The following EFHC1 variants were observed in gnomAD, a reference collection of about 807,000 sequenced individuals.
EFHC1 encodes the protein EF-hand domain-containing protein 1.
EFHC1 carries 53 observed loss-of-function variants against 69.9 expected under a neutral mutation model. The observed-to-expected ratio is 0.76, with a 90% confidence interval of 0.61 to 0.95. EFHC1 has a LOEUF of 0.95. Ranked by LOEUF, EFHC1 falls within the 40% of genes least tolerant of loss-of-function variation. The pLI is 0.00. For missense variants in EFHC1, 739 were observed against 798.7 expected (o/e 0.93, Z 0.90); for synonymous variants, 256 against 278.4 (o/e 0.92, Z 0.80).
chr6:52,423,868 A>G, intron 1 of EFHC1, 78 bp from the exon 2 acceptor site: 2 of 1,592,370 alleles, frequency 1.3e-6, no homozygotes, highest in Admixed American at 1.7e-5. Flanking sequence ...TTCAAGTTAT[A>G]TTTTTAAAAG....
intron 6 of EFHC1, 57 bp from the exon 7 acceptor site, chr6:52,469,276 A>T: frequency 6.2e-7 from 1 of 1,606,506 alleles, no homozygotes; most frequent in Non-Finnish European, 8.5e-7. Context: ...GTTACCTTTA[A>T]TGTAATCTTA....
At position 52,479,076 on chromosome 6, in the gene EFHC1, T is replaced by C. The variant is rs1765608849; in HGVS notation, c.1318T>C (p.Phe440Leu). The C allele has an allele frequency of 5.6e-6, 9 of 1,614,154 alleles. No individual in the cohort carries two copies. Among genetic ancestry groups the C allele is most frequent in the Non-Finnish European group, 6.8e-6 (8 of 1,180,010 alleles). Residue 440 changes from phenylalanine (F) to leucine (L), a missense_variant, in exon 8 of 11, where the codon TTC becomes CTC. By Grantham distance (22) the Phe-to-Leu change is conservative. Transcript: ENST00000371068. Reference sequence around the variant, plus strand: ...AGAAGACAAAGACCGCAGATTTGTCTTCTCTTACTTTCTAGCTACCGACAT... The same window carrying C: ...AGAAGACAAAGACCGCAGATTTGTCCTCTCTTACTTTCTAGCTACCGACAT... ...IPEDKDRRFV[F>L]SYFLATDMIS...
At chr6:52,470,621 A>G (rs889982836) in intron 7 of EFHC1, among the ~76,000 whole-genome samples, 1 of 152,256 alleles carries the variant, frequency 6.6e-6, no homozygotes, top group Non-Finnish European at 1.5e-5. Context: ...TGCTGCTTAG[A>G]CAGGGGTAGG....
At chr6:52,453,599 C>G in intron 4 of EFHC1, 1 of 1,258,068 alleles carries the variant, frequency 7.9e-7, no homozygotes, top group Non-Finnish European at 1.0e-6. Context: ...TGTGTTTATT[C>G]CCACGATTTG....
intron 7 of EFHC1, among the ~76,000 whole-genome samples, chr6:52,478,242 A>G (rs1449727723): frequency 6.7e-6 from 1 of 150,090 alleles, no homozygotes; most frequent in Admixed American, 6.6e-5. Flanking sequence ...ACATGGACAC[A>G]GGAAGGGGAA....
intron 10 of EFHC1, 112 bp downstream of exon 10, chr6:52,490,462 C>T (rs1765875939): frequency 1.1e-6 from 1 of 870,800 alleles, no homozygotes; most frequent in Admixed American, 1.9e-5. Flanking sequence ...TTAGGATGTT[C>T]AGATCAGATC....
rs749586033 is a variant in EFHC1 at position 52,495,167 on chromosome 6, C to T, written c.*2826C>T. 6.6e-6 allele frequency: 3 copies of T among 453,976 alleles called. No homozygotes were observed. The highest frequency in any genetic ancestry group is 6.9e-5 in the East Asian group (1 of 14,404). The allele number at this position is 453,976 out of a possible 1,614,324, so 28.1% of individuals were successfully genotyped here. Reference sequence around the variant, plus strand: ...ACACACCTTCCAGGGTGTGCACTCTCGCCATGTTCTCACCCAGATGGCTCT... The same window carrying T: ...ACACACCTTCCAGGGTGTGCACTCTTGCCATGTTCTCACCCAGATGGCTCT... On this transcript the variant is annotated 3_prime_UTR_variant, in exon 11 of 11. Coordinates refer to ENST00000371068, the MANE Select transcript of EFHC1 (RefSeq NM_018100.4).
In EFHC1 at chr6:52,492,706, C is replaced by G. The variant is rs1453026093; in HGVS notation, c.*365C>G. On this transcript the variant is annotated 3_prime_UTR_variant, in exon 11 of 11. Transcript: ENST00000371068. ...CCTAGTTCTATGAAGCCTCAGACTC[C>G]TGGGCTCAAGTGATCCTCCCACTTC... The G allele has an allele frequency of 2.3e-6, 1 of 439,624 alleles. No homozygotes were observed. The highest frequency in any genetic ancestry group is 1.7e-5 in the South Asian group (1 of 60,144). 27.2% of individuals were successfully genotyped at this position (439,624 alleles called of 1,614,324 possible). A position where few individuals can be genotyped will look rare whatever the true frequency, so the allele number is the denominator to read the frequency against.
intron 3 of EFHC1, among the ~76,000 whole-genome samples, chr6:52,444,975 T>G (rs1194235924): frequency 3.3e-5 from 5 of 152,188 alleles, no homozygotes; most frequent in African/African-American, 1.2e-4. Context: ...GAACCTGTTA[T>G]TGGTCTATTC....
intron 10 of EFHC1, 119 bp downstream of exon 10, chr6:52,490,469 G>A (rs1765876202): frequency 1.2e-6 from 1 of 837,740 alleles, no homozygotes; most frequent in East Asian, 2.6e-5. Flanking sequence ...GTTCAGATCA[G>A]ATCTACTATT....
At chr6:52,434,669 G>A (rs777557941) in intron 2 of EFHC1, among the ~76,000 whole-genome samples, 32 of 152,074 alleles carry the variant, frequency 2.1e-4, no homozygotes, top group Non-Finnish European at 3.2e-4. Context: ...TGCTCTGCCC[G>A]TCTGAGTGGG....
chr6:52,475,768 T>C (rs1169350028), intron 7 of EFHC1, among the ~76,000 whole-genome samples: 1 of 152,240 alleles, frequency 6.6e-6, no homozygotes, highest in Non-Finnish European at 1.5e-5. Context: ...GGGCTAGATA[T>C]GGTTCTAGAT....
Position 52,493,730 on chromosome 6 carries a change from T to C in EFHC1, c.*1389T>C. On this transcript the variant is annotated 3_prime_UTR_variant, in exon 11 of 11. Transcript: ENST00000371068. ...GAGAGGAAGGAAAGACTAGTTGCAGTTACTATTCTCTGGTGAGCTCTGACT... is the reference window on the plus strand; with the variant it reads ...GAGAGGAAGGAAAGACTAGTTGCAGCTACTATTCTCTGGTGAGCTCTGACT... 1 of 453,904 alleles carries C rather than the reference T, an allele frequency of 2.2e-6. No individual in the cohort carries two copies. Among genetic ancestry groups the C allele is most frequent in the South Asian group, 1.6e-5 (1 of 64,468 alleles). 28.1% of individuals were successfully genotyped at this position (453,904 alleles called of 1,614,324 possible). A position where few individuals can be genotyped will look rare whatever the true frequency, so the allele number is the denominator to read the frequency against.
intron 1 of EFHC1, chr6:52,423,569 A>G (rs1452481597): frequency 6.5e-6 from 3 of 464,104 alleles, no homozygotes; most frequent in East Asian, 7.1e-5. Flanking sequence ...TGGTTCAATC[A>G]TAGCTTATTG....
chr6:52,464,920 A>T lies in EFHC1; in HGVS notation c.942A>T (p.Glu314Asp). The stretch of plus-strand genomic sequence containing the variant: ...AGAACTTCCCTCAGTGTGTGCTAGA[A>T]ATCTCTGACCAAGAAGTGTTGGAAT... ...NAKNFPQCVL[E>D]ISDQEVLEWY... Residue 314 changes from glutamate (E) to aspartate (D), a missense_variant, in exon 6 of 11, where the codon GAA (glutamate) becomes GAT (aspartate). Coordinates refer to ENST00000371068, the MANE Select transcript of EFHC1 (RefSeq NM_018100.4). 5 of 1,614,152 alleles carry T rather than the reference A, an allele frequency of 3.1e-6. No homozygotes were observed. Among genetic ancestry groups the T allele is most frequent in the Non-Finnish European group, 4.2e-6 (5 of 1,180,002 alleles).
At position 52,438,568 on chromosome 6, in the gene EFHC1, G is replaced by T. The variant is rs558446131; in HGVS notation, c.550G>T (p.Val184Phe). Residue 184 changes from valine to phenylalanine, a missense_variant, in exon 3 of 11, where the codon GTT becomes TTT. By Grantham distance (50) the Val-to-Phe change is conservative. Coordinates refer to ENST00000371068, the MANE Select transcript of EFHC1 (RefSeq NM_018100.4). The stretch of plus-strand genomic sequence containing the variant: ...AATTTATGGCAAAACTTTCCGCGTT[G>T]TTGACTGTGACCAATTCACACAGGT... Reference protein sequence around the residue: ...ITIYGKTFRVVDCDQFTQVFL... With the variant: ...ITIYGKTFRVFDCDQFTQVFL... 158 of 1,614,014 alleles carry T rather than the reference G, an allele frequency of 9.8e-5. 2 individuals are homozygous for T. In the South Asian group the frequency reaches 1.7e-3, roughly 17 times the overall value.
intron 9 of EFHC1, chr6:52,485,205 A>G (rs1765761902): frequency 6.6e-6 from 1 of 152,240 alleles, no homozygotes; most frequent in African/African-American, 2.4e-5. Flanking sequence ...ATAGTCATAT[A>G]TTTAATTCAA....
intron 9 of EFHC1, chr6:52,481,529 T>G (rs1330407270): frequency 2.0e-5 from 3 of 151,670 alleles, no homozygotes; most frequent in African/African-American, 7.3e-5. Flanking sequence ...TCTCTCTCTC[T>G]CTCTCTCTCT....
intron 5 of EFHC1, among the ~76,000 whole-genome samples, chr6:52,455,757 A>G (rs915807768): frequency 2.6e-5 from 4 of 152,370 alleles, no homozygotes; most frequent in Admixed American, 2.6e-4. Context: ...ACGTGTCTGT[A>G]CATATTGCTT....
Sources: allele counts gnomAD v4.1 joint callset (sites outside exome capture counted in the v4.1 genomes callset), GRCh38; gene constraint gnomAD v4.1.1; transcripts MANE v1.5; gene names NCBI Gene and HGNC (gene_info 2026-07-23, HGNC 2026-07-21).